The following RPA1 variants were observed in gnomAD, a reference collection of about 807,000 sequenced individuals.
The protein encoded by RPA1 is replication protein A1.
A neutral mutation model predicts 83.0 loss-of-function variants in RPA1; 49 were observed. The observed-to-expected ratio is 0.59, with a 90% CI of 0.47 to 0.75. The LOEUF is 0.75. Among genes scored for constraint, RPA1 ranks in the 30% least tolerant of loss-of-function variants. RPA1 has a pLI of 0.00. For synonymous variants in RPA1, 279 were observed against 281.8 expected, an observed-to-expected ratio of 0.99 and a Z score of 0.10; for missense variants, 693 against 776.1, an observed-to-expected ratio of 0.89 and a Z score of 1.27.
intron 16 of RPA1, among the ~76,000 whole-genome samples, chr17:1,895,607 G>A (rs2045944661): frequency 6.6e-6 from 1 of 151,620 alleles, no homozygotes; most frequent in Non-Finnish European, 1.5e-5. Flanking sequence ...CAAAGGCCAC[G>A]TGTGGTTAAA....
At chr17:1,849,514 G>C (rs1912399638) in intron 4 of RPA1, among the ~76,000 whole-genome samples, 1 of 151,552 alleles carries the variant, frequency 6.6e-6, no homozygotes, top group South Asian at 2.1e-4. Context: ...GGATGATCTC[G>C]ATCTCCTGAC....
chr17:1,868,406 C>T (rs931503369), intron 5 of RPA1, among the ~76,000 whole-genome samples: 1 of 152,212 alleles, frequency 6.6e-6, no homozygotes. Context: ...TAATCCAGAA[C>T]TTGTGCCATG....
At chr17:1,855,352 TGTGTGTGTGTG>T (rs772465082) in intron 5 of RPA1, among the ~76,000 whole-genome samples, 86 of 149,028 alleles carry the variant, frequency 5.8e-4, no homozygotes, top group Non-Finnish European at 4.9e-4. Context: ...TGTGTGTGTG[TGTGTGTGTGTG>T]TGTTTAGTAG....
chr17:1,859,268 T>C (rs538850401), intron 5 of RPA1, among the ~76,000 whole-genome samples: 3 of 152,314 alleles, frequency 2.0e-5, no homozygotes, highest in African/African-American at 7.2e-5. Context: ...TTGAAAAGAA[T>C]GTGTATTCTG....
intron 6 of RPA1, among the ~76,000 whole-genome samples, chr17:1,874,032 T>TATACACACACAC (rs1171343408): frequency 2.5e-5 from 2 of 79,254 alleles, no homozygotes; most frequent in African/African-American, 1.3e-4. Context: ...TATATATATA[T>TATACACACACAC]ACACACACAC....
chr17:1,838,085 A>G (rs1911890385), intron 1 of RPA1, among the ~76,000 whole-genome samples: 2 of 151,920 alleles, frequency 1.3e-5, no homozygotes, highest in Admixed American at 1.3e-4. Flanking sequence ...TGAGGTCGAG[A>G]GTTCGAGACC....
At chr17:1,860,692 C>T (rs1419619650) in intron 5 of RPA1, among the ~76,000 whole-genome samples, 5 of 152,104 alleles carry the variant, frequency 3.3e-5, no homozygotes, top group African/African-American at 1.2e-4. Flanking sequence ...TGTGTTAGGT[C>T]CGGATTTGTT....
chr17:1,836,483 C>A (rs1304995332), intron 1 of RPA1, among the ~76,000 whole-genome samples: 1 of 152,130 alleles, frequency 6.6e-6, no homozygotes. Context: ...CACATTGCCC[C>A]TGTGGAGATA....
At position 1,830,079 on chromosome 17, in the gene RPA1, C is replaced by G; in HGVS notation, c.-15C>G. 8.0e-7 allele frequency: 1 copy of G among 1,250,016 alleles called. No homozygotes were observed. The highest frequency in any genetic ancestry group is 1.0e-6 in the Non-Finnish European group (1 of 988,538). 77.4% of individuals were successfully genotyped at this position (1,250,016 alleles called of 1,614,324 possible). On this transcript the variant is annotated 5_prime_UTR_variant, in exon 1 of 17. Transcript: ENST00000254719. ...GCTGTTGCGGGGTCCGCGGGGAAGT[C>G]TTGGCGGTGGAGCCATGGTCGGCCA...
At chr17:1,866,022 C>G (rs1474848277) in intron 5 of RPA1, among the ~76,000 whole-genome samples, 4 of 152,080 alleles carry the variant, frequency 2.6e-5, no homozygotes, top group Non-Finnish European at 5.9e-5. Context: ...TGGCAGATCG[C>G]TTGAGCTCAG....
At chr17:1,866,207 A>C (rs913375268) in intron 5 of RPA1, among the ~76,000 whole-genome samples, 7 of 151,892 alleles carry the variant, frequency 4.6e-5, no homozygotes, top group African/African-American at 1.7e-4. Context: ...GTGCCACTAC[A>C]CTCCAGCCTG....
At chr17:1,867,337 TTGTGTG>T (rs71150830) in intron 5 of RPA1, among the ~76,000 whole-genome samples, 2 of 151,106 alleles carry the variant, frequency 1.3e-5, no homozygotes, top group African/African-American at 2.4e-5. Flanking sequence ...TTTCTAGTGT[TTGTGTG>T]TGTGTGTGTG....
At chr17:1,845,345 T>A (rs1912217055) in intron 4 of RPA1, among the ~76,000 whole-genome samples, 1 of 149,870 alleles carries the variant, frequency 6.7e-6, no homozygotes, top group Non-Finnish European at 1.5e-5. Context: ...CCAGCCTGGG[T>A]GACATAGCCA....
chr17:1,867,543 C>G (rs1371153365), intron 5 of RPA1, among the ~76,000 whole-genome samples: 1 of 151,672 alleles, frequency 6.6e-6, no homozygotes, highest in Admixed American at 6.6e-5. Flanking sequence ...CCTGTCTCTA[C>G]AGAAAACAAA....
chr17:1,863,184 ATTTATTTTATTTTAT>A (rs71375562), intron 5 of RPA1, among the ~76,000 whole-genome samples: 31,384 of 138,716 alleles, frequency 0.23, 3,539 homozygotes, highest in Admixed American at 0.26. Flanking sequence ...CGCCCAACTA[ATTTATTTTATTTTAT>A]TTTATTTTAT....
At chr17:1,860,134 G>A (rs1912889028) in intron 5 of RPA1, among the ~76,000 whole-genome samples, 1 of 152,036 alleles carries the variant, frequency 6.6e-6, no homozygotes, top group Non-Finnish European at 1.5e-5. Context: ...TGTGGACATG[G>A]AGTCCTGCCA....
intron 1 of RPA1, among the ~76,000 whole-genome samples, chr17:1,838,383 C>T (rs1911904290): frequency 6.6e-6 from 1 of 151,890 alleles, no homozygotes; most frequent in Admixed American, 6.6e-5. Flanking sequence ...CCGGGCAGAA[C>T]ACCTGAGGTC....
chr17:1,844,215 G>A (rs1912170033), intron 3 of RPA1, among the ~76,000 whole-genome samples: 1 of 152,160 alleles, frequency 6.6e-6, no homozygotes, highest in Admixed American at 6.6e-5. Flanking sequence ...TCCCTAACTG[G>A]TGTTCTGTGT....
chr17:1,851,676 A>G (rs1293159787), intron 4 of RPA1, among the ~76,000 whole-genome samples: 1 of 152,198 alleles, frequency 6.6e-6, no homozygotes, highest in African/African-American at 2.4e-5. Flanking sequence ...GTCATACTAA[A>G]TGATTCATAG....
Sources: allele counts gnomAD v4.1 joint callset (sites outside exome capture counted in the v4.1 genomes callset), GRCh38; gene constraint gnomAD v4.1.1; transcripts MANE v1.5; gene names NCBI Gene and HGNC (gene_info 2026-07-23, HGNC 2026-07-21).